Variants in PTPRQ observed in about 807,000 individuals in gnomAD.
The protein encoded by PTPRQ is protein tyrosine phosphatase receptor type Q.
In PTPRQ, 199 loss-of-function variants were observed where a neutral mutation model predicts 246.0. That is an observed-to-expected ratio of 0.81 (90% confidence interval 0.72 to 0.91). The LOEUF is 0.91. PTPRQ is among the 40% of genes least tolerant of loss of function. The pLI is 0.00. For missense variants in PTPRQ, 2,624 were observed against 2,528.4 expected (o/e 1.04, Z -0.81); for synonymous variants, 869 against 853.2 (o/e 1.02, Z -0.32).
In PTPRQ at chr12:80,515,097, C is replaced by T. The variant is rs142111631; in HGVS notation, c.2678+4654C>T. On this transcript the variant is annotated intron_variant, in intron 17 of 44. Coordinates refer to ENST00000644991, the MANE Select transcript of PTPRQ (RefSeq NM_001145026.2). ...GCCCTGTAAGGTATAGTAAGTGTAGCGAAGGAAATGGTCATAATTCTGGAT... is the reference window on the plus strand; with the variant it reads ...GCCCTGTAAGGTATAGTAAGTGTAGTGAAGGAAATGGTCATAATTCTGGAT... Among the ~76,000 whole-genome samples the T allele has an allele frequency of 5.8e-4, 88 of 152,008 alleles. 1 individual carries two copies. Among genetic ancestry groups the T allele is most frequent in the South Asian group, 1.9e-3 (9 of 4,812 alleles).
intron 25 of PTPRQ, chr12:80,584,198 T>A (rs974999045): frequency 6.6e-6 from 1 of 152,142 alleles, no homozygotes; most frequent in Non-Finnish European, 1.5e-5. Context: ...GTTGAGTAAG[T>A]GGAAGAATCT....
At chr12:80,562,810 A>T (rs1565788130) in intron 25 of PTPRQ, among the ~76,000 whole-genome samples, 1 of 152,152 alleles carries the variant, frequency 6.6e-6, no homozygotes, top group Non-Finnish European at 1.5e-5. Flanking sequence ...GAAAAACAGT[A>T]GGAAAAATCA....
intron 5 of PTPRQ, among the ~76,000 whole-genome samples, chr12:80,459,915 G>A (rs1017118236): frequency 2.0e-5 from 3 of 152,204 alleles, no homozygotes; most frequent in African/African-American, 7.2e-5. Flanking sequence ...AAGAGTACAT[G>A]TAGGGTAATA....
At chr12:80,638,904 T>C (rs1163117424) in intron 35 of PTPRQ, among the ~76,000 whole-genome samples, 1 of 152,238 alleles carries the variant, frequency 6.6e-6, no homozygotes, top group East Asian at 1.9e-4. Flanking sequence ...GAAGAATATG[T>C]AACATTTTGG....
chr12:80,504,075 C>T (rs886384878), intron 14 of PTPRQ, among the ~76,000 whole-genome samples: 4 of 151,548 alleles, frequency 2.6e-5, no homozygotes, highest in East Asian at 3.9e-4. Flanking sequence ...TGTTTGATGT[C>T]GTTGAATAAT....
chr12:80,639,058 T>C (rs1241330742), intron 35 of PTPRQ, among the ~76,000 whole-genome samples: 1 of 152,172 alleles, frequency 6.6e-6, no homozygotes, highest in Non-Finnish European at 1.5e-5. Flanking sequence ...TTAGAGCTCT[T>C]ATTGGCAAGA....
At position 80,444,404 on chromosome 12, in the gene PTPRQ, T is replaced by C; in HGVS notation, c.54+5T>C. 1 of 1,429,368 alleles carries C rather than the reference T, an allele frequency of 7.0e-7. No homozygotes were observed. The highest frequency in any genetic ancestry group is 9.6e-7 in the Non-Finnish European group (1 of 1,038,988). 88.5% of individuals were successfully genotyped at this position (1,429,368 alleles called of 1,614,324 possible). A position where few individuals can be genotyped will look rare whatever the true frequency, so the allele number is the denominator to read the frequency against. On this transcript the variant is annotated splice_donor_5th_base_variant and intron_variant, in intron 1 of 44. Coordinates refer to ENST00000644991, the MANE Select transcript of PTPRQ (RefSeq NM_001145026.2). ...ATTGGGACTTCAGAGACACAGGTAT[T>C]TCGTATACACTCTTTAAAAACAAGG...
At chr12:80,576,561 A>G (rs1897284184) in intron 25 of PTPRQ, among the ~76,000 whole-genome samples, 1 of 152,016 alleles carries the variant, frequency 6.6e-6, no homozygotes, top group South Asian at 2.1e-4. Context: ...CCGTCTGTTG[A>G]TTTGTTCACT....
At chr12:80,608,512 T>C (rs1021482141) in intron 27 of PTPRQ, among the ~76,000 whole-genome samples, 1 of 143,286 alleles carries the variant, frequency 7.0e-6, no homozygotes, top group African/African-American at 2.6e-5. Flanking sequence ...TGATATTTGT[T>C]ATCTATTGTT....
At chr12:80,556,380 T>C (rs1896646303) in intron 25 of PTPRQ, among the ~76,000 whole-genome samples, 1 of 152,162 alleles carries the variant, frequency 6.6e-6, no homozygotes, top group Non-Finnish European at 1.5e-5. Flanking sequence ...TATTGAAACT[T>C]TTTTGAAGAG....
At chr12:80,533,679 C>T (rs1050223352) in intron 17 of PTPRQ, among the ~76,000 whole-genome samples, 93 of 151,850 alleles carry the variant, frequency 6.1e-4, no homozygotes, top group African/African-American at 2.2e-3. Context: ...AATGTTTGGA[C>T]AATGAAAACA....
chr12:80,677,221 A>G (rs1369779793), intron 43 of PTPRQ, among the ~76,000 whole-genome samples: 1 of 152,206 alleles, frequency 6.6e-6, no homozygotes, highest in Non-Finnish European at 1.5e-5. Context: ...TGATTTCCAA[A>G]AAGATTATAT....
intron 17 of PTPRQ, among the ~76,000 whole-genome samples, chr12:80,519,248 G>C (rs1033897015): frequency 6.6e-6 from 1 of 151,756 alleles, no homozygotes; most frequent in African/African-American, 2.4e-5. Flanking sequence ...TATTTTACTT[G>C]TCTGAATCTT....
At chr12:80,647,153 T>C (rs569560766) in intron 35 of PTPRQ, among the ~76,000 whole-genome samples, 107 of 152,314 alleles carry the variant, frequency 7.0e-4, no homozygotes, top group African/African-American at 2.5e-3. Context: ...GGAATCTCTC[T>C]GCGATGGGTG....
intron 14 of PTPRQ, 127 bp downstream of exon 14, chr12:80,496,658 G>A: frequency 8.5e-7 from 1 of 1,171,884 alleles, no homozygotes; most frequent in Non-Finnish European, 1.1e-6. Context: ...ATATAATCCA[G>A]AAATTAATTT....
chr12:80,453,416 C>T (rs934115660), intron 3 of PTPRQ, among the ~76,000 whole-genome samples: 131 of 152,288 alleles, frequency 8.6e-4, no homozygotes, highest in Middle Eastern at 3.4e-3. Flanking sequence ...TGAGGAACTG[C>T]GTTCCTTTGG....
rs1030348740 is a variant in PTPRQ at position 80,658,029 on chromosome 12, G to C, written c.6160G>C (p.Gly2054Arg). Residue 2054 changes from glycine (G) to arginine (R), a missense_variant, in exon 39 of 45, where the codon GGT becomes CGT. Physicochemically the swap from Gly to Arg is moderately radical, Grantham distance 125 (BLOSUM62 -2). Coordinates refer to ENST00000644991, the MANE Select transcript of PTPRQ (RefSeq NM_001145026.2). ...VKLIADASVP[G>R]SDYINASYIS... ...GCTGATAGCTGACGCTAGTGTTCCA[G>C]GTTCGGATTATATTAATGCCAGCTA... 4 of 1,439,790 alleles carry C rather than the reference G, an allele frequency of 2.8e-6. No homozygotes were observed. Among genetic ancestry groups the C allele is most frequent in the Non-Finnish European group, 3.7e-6 (4 of 1,093,316 alleles). 89.2% of individuals were successfully genotyped at this position (1,439,790 alleles called of 1,614,324 possible).
chr12:80,579,141 G>A (rs17006936), intron 25 of PTPRQ, among the ~76,000 whole-genome samples: 2,718 of 151,832 alleles, frequency 0.018, 90 homozygotes, highest in African/African-American at 0.062. Flanking sequence ...GTAAAATATC[G>A]AACAAGTTTT....
intron 26 of PTPRQ, among the ~76,000 whole-genome samples, chr12:80,603,170 T>C (rs1898199077): frequency 6.6e-6 from 1 of 151,698 alleles, no homozygotes; most frequent in East Asian, 1.9e-4. Context: ...TTTTTATTAA[T>C]CTTTCTATAG....
Sources: gnomAD v4.1 joint callset for allele counts (sites outside exome capture counted in the v4.1 genomes callset) on GRCh38, gnomAD v4.1.1 for gene constraint, MANE v1.5 for transcripts, NCBI Gene and HGNC (gene_info 2026-07-23, HGNC 2026-07-21) for gene names.